LCP2: variants seen among roughly 807,000 people sequenced by gnomAD.
LCP2 encodes 76 kDa tyrosine phosphoprotein.
A neutral mutation model predicts 74.5 loss-of-function variants in LCP2; 29 were observed. The ratio of observed to expected loss-of-function variants is 0.39; its 90% CI spans 0.29 to 0.53. LCP2 has a LOEUF of 0.53. Among genes scored for constraint, LCP2 ranks in the 20% least tolerant of loss-of-function variants. The pLI is 0.72. For missense variants in LCP2, 604 were observed against 634.6 expected (o/e 0.95, Z 0.52); for synonymous variants, 228 against 229.5 (o/e 0.99, Z 0.06).
At position 170,246,236 on chromosome 5, in the gene LCP2, A is replaced by T; in HGVS notation, c.*2461T>A. 2 of 803,790 alleles carry T rather than the reference A, an allele frequency of 2.5e-6. No homozygotes were observed. Among genetic ancestry groups the T allele is most frequent in the Non-Finnish European group, 3.7e-6 (2 of 541,178 alleles). The allele number at this position is 803,790 out of a possible 1,614,324, so 49.8% of individuals were successfully genotyped here. A position where few individuals can be genotyped will look rare whatever the true frequency, so the allele number is the denominator to read the frequency against. ...TAAAAATAATGTAAACAAGCAGTTC[A>T]TGTTCTTGAAGGCTGTTTAATGTTT... is the stretch of plus-strand genomic sequence containing the variant. On this transcript the variant is annotated 3_prime_UTR_variant, in exon 21 of 21. Coordinates refer to ENST00000046794, the MANE Select transcript of LCP2 (RefSeq NM_005565.5).
In LCP2 at chr5:170,256,635, G is replaced by T; in HGVS notation, c.1101-60C>A. 1 of 1,260,472 alleles carries T rather than the reference G, an allele frequency of 7.9e-7. No individual in the cohort carries two copies. Among genetic ancestry groups the T allele is most frequent in the South Asian group, 1.2e-5 (1 of 83,726 alleles). The allele number at this position is 1,260,472 out of a possible 1,614,324, so 78.1% of individuals were successfully genotyped here. A position where few individuals can be genotyped will look rare whatever the true frequency, so the allele number is the denominator to read the frequency against. On this transcript the variant is annotated intron_variant, in intron 16 of 20. Transcript: ENST00000046794. The surrounding 1 kb of genome is among the most constrained non-coding windows in gnomAD (Gnocchi z 4.5). The stretch of plus-strand genomic sequence containing the variant: ...ATTGGGGTGATGGGGCCAGACAGGG[G>T]AGCTGGGTTAGGGAAGCCAGGCTGC...
chr5:170,280,747 C>T (rs576547194), intron 3 of LCP2, among the ~76,000 whole-genome samples: 3 of 152,194 alleles, frequency 2.0e-5, no homozygotes, highest in South Asian at 2.1e-4. Flanking sequence ...GTGGCTCATG[C>T]CTGTAATCCC....
intron 17 of LCP2, among the ~76,000 whole-genome samples, chr5:170,255,743 A>G (rs945047932): frequency 6.6e-6 from 1 of 152,200 alleles, no homozygotes; most frequent in Non-Finnish European, 1.5e-5. Flanking sequence ...CAGTCACAGC[A>G]TCGCATGGAA....
chr5:170,249,358 G>A (rs1218906314), intron 20 of LCP2, among the ~76,000 whole-genome samples: 2 of 104,176 alleles, frequency 1.9e-5, no homozygotes, highest in East Asian at 2.6e-4. Context: ...ATGTGCATGC[G>A]TGTGTATATA....
At chr5:170,254,070 A>G (rs1761505606) in intron 17 of LCP2, among the ~76,000 whole-genome samples, 1 of 152,214 alleles carries the variant, frequency 6.6e-6, no homozygotes, top group Non-Finnish European at 1.5e-5. Flanking sequence ...ATATTTATTC[A>G]GCACAACTCT....
chr5:170,275,730 C>A, intron 4 of LCP2, 65 bp downstream of exon 4: 1 of 1,326,992 alleles, frequency 7.5e-7, no homozygotes, highest in South Asian at 1.3e-5. Context: ...CAGTTCTGTG[C>A]CTCCCTTTTA....
At position 170,267,001 on chromosome 5, in the gene LCP2, G is replaced by A; in HGVS notation, c.688+8C>T. The stretch of plus-strand genomic sequence containing the variant: ...AACAGGGCAAGAGAGAGCAGCCCTT[G>A]TACTCACGCTTTGCCGTTTTGTGGT... On this transcript the variant is annotated splice_region_variant and intron_variant, in intron 9 of 20. Transcript: ENST00000046794. 2 of 1,613,964 alleles carry A rather than the reference G, an allele frequency of 1.2e-6. No homozygotes were observed. The highest frequency in any genetic ancestry group is 1.3e-5 in the African/African-American group (1 of 75,034).
At chr5:170,275,974 G>A in intron 3 of LCP2, 114 bp from the exon 4 acceptor site, 1 of 814,162 alleles carries the variant, frequency 1.2e-6, no homozygotes, top group Non-Finnish European at 2.0e-6. Context: ...GCCAACTTTG[G>A]CCAGGCTCCT....
At chr5:170,250,033 GA>G (rs1761398731) in intron 20 of LCP2, among the ~76,000 whole-genome samples, 2 of 152,216 alleles carry the variant, frequency 1.3e-5, no homozygotes, top group Admixed American at 1.3e-4. Context: ...TATCATAACA[GA>G]AGTATGTGAA....
chr5:170,296,363 C>T (rs1168492216), intron 1 of LCP2, among the ~76,000 whole-genome samples: 3 of 152,316 alleles, frequency 2.0e-5, no homozygotes, highest in Non-Finnish European at 4.4e-5. Flanking sequence ...AACATGTTCT[C>T]ATTTTCTTCT....
chr5:170,270,943 G>A (rs775355055), intron 6 of LCP2, 26 bp from the exon 7 acceptor site: 12 of 1,584,136 alleles, frequency 7.6e-6, no homozygotes, highest in Non-Finnish European at 7.7e-6. Flanking sequence ...TAGGGACAGT[G>A]CAGTTTGTAG....
intron 3 of LCP2, among the ~76,000 whole-genome samples, chr5:170,280,481 C>T (rs992839828): frequency 6.6e-6 from 1 of 152,160 alleles, no homozygotes; most frequent in Non-Finnish European, 1.5e-5. Flanking sequence ...TCCTTGTCAC[C>T]TGAGAAGCCG....
At chr5:170,260,816 T>G (rs1761636648) in intron 14 of LCP2, among the ~76,000 whole-genome samples, 1 of 152,234 alleles carries the variant, frequency 6.6e-6, no homozygotes, top group African/African-American at 2.4e-5. Context: ...CTTTATCCTC[T>G]TTTTCTCCTT....
In LCP2 at chr5:170,268,438, G is replaced by T. The variant is rs755127190; in HGVS notation, c.568C>A (p.Pro190Thr). ...GGGAGGGCGGCCATCGGTCTCTGGG[G>T]GGGCACAGGAGGCTGCTGGGGGGTT... ...GKTPQQPPVP[P>T]QRPMAALPPP... Residue 190 changes from proline to threonine, a missense_variant, in exon 8 of 21, where the codon CCC (proline) becomes ACC (threonine). By Grantham distance (38) the Pro-to-Thr change is conservative. Coordinates refer to ENST00000046794, the MANE Select transcript of LCP2 (RefSeq NM_005565.5). 4.2e-6 allele frequency: 2 copies of T among 471,220 alleles called. No individual in the cohort carries two copies. Among genetic ancestry groups the T allele is most frequent in the Non-Finnish European group, 6.2e-6 (2 of 322,346 alleles). 29.2% of individuals were successfully genotyped at this position (471,220 alleles called of 1,614,324 possible). A position where few individuals can be genotyped will look rare whatever the true frequency, so the allele number is the denominator to read the frequency against.
intron 2 of LCP2, among the ~76,000 whole-genome samples, chr5:170,290,085 C>A (rs930685930): frequency 6.6e-6 from 1 of 152,166 alleles, no homozygotes; most frequent in Non-Finnish European, 1.5e-5. Context: ...GATGTTGAAA[C>A]AGAATTTTTG....
chr5:170,277,417 A>T (rs993666831), intron 3 of LCP2, among the ~76,000 whole-genome samples: 1 of 151,716 alleles, frequency 6.6e-6, no homozygotes, highest in Non-Finnish European at 1.5e-5. Flanking sequence ...TTCCTCCATC[A>T]CCTCCCCTGC....
intron 8 of LCP2, 121 bp from the exon 9 acceptor site, chr5:170,267,196 T>C (rs1455091789): frequency 1.0e-6 from 1 of 991,812 alleles, no homozygotes; most frequent in Non-Finnish European, 1.6e-6. Context: ...CAAACATCCA[T>C]GTCCATTTCT....
chr5:170,290,965 AAAGAAAGAAAG>A (rs1280720448), intron 2 of LCP2, among the ~76,000 whole-genome samples: 1 of 64,974 alleles, frequency 1.5e-5, no homozygotes, highest in African/African-American at 5.1e-5. Context: ...AGAAAGAAAG[AAAGAAAGAAAG>A]AAAGAAAGAA....
chr5:170,291,003 AGAAAGAAAG>A (rs1561979169), intron 2 of LCP2, among the ~76,000 whole-genome samples: 3 of 123,852 alleles, frequency 2.4e-5, no homozygotes, highest in East Asian at 2.3e-4. Context: ...AAAGAAAGAG[AGAAAGAAAG>A]AGAGAAAGAA....
Sources: allele counts gnomAD v4.1 joint callset (sites outside exome capture counted in the v4.1 genomes callset), GRCh38; gene constraint gnomAD v4.1.1; non-coding constraint Gnocchi (gnomAD v3.1); transcripts MANE v1.5; gene names NCBI Gene and HGNC (gene_info 2026-07-23, HGNC 2026-07-21).